The following SMG6 variants were observed in gnomAD, a reference collection of about 807,000 sequenced individuals.
SMG6 encodes the protein telomerase-binding protein EST1A.
SMG6 carries 66 observed loss-of-function variants against 142.2 expected under a neutral mutation model. The ratio of observed to expected loss-of-function variants is 0.46; its 90% CI spans 0.38 to 0.57. The LOEUF (loss-of-function observed/expected upper bound fraction) is 0.57. Among genes scored for constraint, SMG6 ranks in the 20% least tolerant of loss-of-function variants. The probability of loss-of-function intolerance (pLI) is 0.00; values close to 1 mark genes in which losing one functional copy is unlikely to be tolerated. For missense variants in SMG6, 1,793 were observed against 1,832.0 expected, an observed-to-expected ratio of 0.98 and a Z score of 0.39; for synonymous variants, 779 against 702.4, an observed-to-expected ratio of 1.11 and a Z score of -1.72.
intron 8 of SMG6, among the ~76,000 whole-genome samples, chr17:2,275,753 G>A (rs1003590483): frequency 2.6e-5 from 4 of 152,204 alleles, no homozygotes; most frequent in South Asian, 2.1e-4. Flanking sequence ...CCCTGGCAAC[G>A]TGGATTTGGA....
chr17:2,277,321 C>T (rs2151371695), intron 8 of SMG6, among the ~76,000 whole-genome samples: 1 of 152,046 alleles, frequency 6.6e-6, no homozygotes, highest in Non-Finnish European at 1.5e-5. Context: ...TGCCTGCCAC[C>T]ATGCCCGGCT....
rs888630309 is a variant in SMG6 at position 2,082,208 on chromosome 17, C to T, written c.3535-252G>A. 1.0e-5 allele frequency: 5 copies of T among 498,092 alleles called. No homozygotes were observed. In the Admixed American group the frequency reaches 1.6e-4, roughly 16 times the overall value. The allele number at this position is 498,092 out of a possible 1,614,324, so 30.9% of individuals were successfully genotyped here. A position where few individuals can be genotyped will look rare whatever the true frequency, so the allele number is the denominator to read the frequency against. Reference sequence around the variant, plus strand: ...TCAGAGAGTTACACCATAAGTCACTCGCAATCACACATATATACCTGCGTG... The same window carrying T: ...TCAGAGAGTTACACCATAAGTCACTTGCAATCACACATATATACCTGCGTG... On this transcript the variant is annotated intron_variant, in intron 14 of 18. Transcript: ENST00000263073.
chr17:2,112,376 C>A (rs560437507), intron 13 of SMG6, among the ~76,000 whole-genome samples: 2 of 151,110 alleles, frequency 1.3e-5, no homozygotes, highest in Non-Finnish European at 3.0e-5. Flanking sequence ...GGCGTCGTGG[C>A]GGGCGTCTGG....
At chr17:2,208,244 C>G (rs1441564880) in intron 10 of SMG6, among the ~76,000 whole-genome samples, 1 of 152,200 alleles carries the variant, frequency 6.6e-6, no homozygotes, top group Non-Finnish European at 1.5e-5. Context: ...CTCCTACCCC[C>G]ACTCTCCACA....
chr17:2,256,984 T>C (rs1393667076), intron 8 of SMG6, among the ~76,000 whole-genome samples: 1 of 152,096 alleles, frequency 6.6e-6, no homozygotes, highest in Non-Finnish European at 1.5e-5. Flanking sequence ...ATTTATTTAT[T>C]TATTATTTTG....
At chr17:2,178,182 G>C (rs865981201) in intron 12 of SMG6, among the ~76,000 whole-genome samples, 2 of 152,216 alleles carry the variant, frequency 1.3e-5, no homozygotes, top group African/African-American at 4.8e-5. Flanking sequence ...CTCAGTGCTA[G>C]GTAGCTCAAG....
intron 12 of SMG6, among the ~76,000 whole-genome samples, chr17:2,174,810 T>C (rs2071609060): frequency 6.6e-6 from 1 of 152,226 alleles, no homozygotes; most frequent in Non-Finnish European, 1.5e-5. Context: ...AACACGTTTC[T>C]GTGCAGAGAT....
In SMG6 at chr17:2,216,864, T is replaced by C. The variant is rs150173865; in HGVS notation, c.2869+19628A>G. 3.7e-3 allele frequency among the ~76,000 whole-genome samples: 563 copies of C among 152,294 alleles called. 1 individual carries two copies. The highest frequency in any genetic ancestry group is 0.013 in the African/African-American group (526 of 41,552). On this transcript the variant is annotated intron_variant, in intron 10 of 18. Transcript: ENST00000263073. The stretch of plus-strand genomic sequence containing the variant: ...ATTGATCTATGAGGTTGTTAGTTCT[T>C]CTGGAATGCAGGAAGAGTTAGAAGA...
intron 8 of SMG6, among the ~76,000 whole-genome samples, chr17:2,275,454 T>C (rs562262629): frequency 1.3e-5 from 2 of 152,088 alleles, no homozygotes; most frequent in East Asian, 3.9e-4. Flanking sequence ...AGTCTATCAG[T>C]CTATCATCTA....
intron 13 of SMG6, among the ~76,000 whole-genome samples, chr17:2,112,532 TAAATAAATA>T (rs2069366490): frequency 1.1e-5 from 1 of 93,450 alleles, no homozygotes; most frequent in African/African-American, 4.6e-5. Flanking sequence ...AAAAAATAAA[TAAATAAATA>T]AATAAATAAA....
At chr17:2,066,317 T>C (rs1223789824) in intron 16 of SMG6, among the ~76,000 whole-genome samples, 1 of 152,098 alleles carries the variant, frequency 6.6e-6, no homozygotes, top group Non-Finnish European at 1.5e-5. Flanking sequence ...TGTATGTGTG[T>C]GTGTACATGT....
At chr17:2,263,648 T>C (rs961993251) in intron 8 of SMG6, among the ~76,000 whole-genome samples, 1 of 151,706 alleles carries the variant, frequency 6.6e-6, no homozygotes, top group African/African-American at 2.4e-5. Context: ...GTCTAGAGAG[T>C]CTATCCACTC....
chr17:2,276,774 CA>C (rs1357021765), intron 8 of SMG6, among the ~76,000 whole-genome samples: 11 of 151,968 alleles, frequency 7.2e-5, no homozygotes, highest in Admixed American at 5.2e-4. Context: ...TTCCACATGC[CA>C]ACTGTATGTC....
At position 2,292,901 on chromosome 17, in the gene SMG6, C is replaced by A; in HGVS notation, c.2228G>T (p.Ser743Ile). 1 of 1,614,128 alleles carries A rather than the reference C, an allele frequency of 6.2e-7. No homozygotes were observed. The highest frequency in any genetic ancestry group is 8.5e-7 in the Non-Finnish European group (1 of 1,179,990). ...GDIARYREQA[S>I]DTANYGKARS... is the part of the protein sequence containing the mutation. ...TGCTTTCCCATAATTCGCTGTATCA[C>A]TGGCTTGCTCCCGGTACCTAGCAAT... The change falls in exon 5 of 19, where the codon AGT becomes ATT. Residue 743 changes from serine to isoleucine, a missense_variant. Physicochemically the swap from Ser to Ile is moderately radical, Grantham distance 142. Around this residue, in one of 3 missense-constraint regions of SMG6, gnomAD observed 1,597 missense variants for 1,584.6 expected, o/e 1.01. Coordinates refer to ENST00000263073, the MANE Select transcript of SMG6 (RefSeq NM_017575.5).
intron 1 of SMG6, among the ~76,000 whole-genome samples, chr17:2,302,160 G>T (rs1419764484): frequency 1.3e-5 from 2 of 152,198 alleles, no homozygotes; most frequent in Non-Finnish European, 2.9e-5. Flanking sequence ...GGCTGAGGTG[G>T]GAGGATCACT....
intron 8 of SMG6, 128 bp from the exon 9 acceptor site, chr17:2,244,847 A>C: frequency 1.4e-6 from 1 of 731,066 alleles, no homozygotes. Context: ...TGGGAACCAA[A>C]TGGACATGCC....
intron 13 of SMG6, among the ~76,000 whole-genome samples, chr17:2,094,493 C>A (rs1269501748): frequency 2.0e-5 from 3 of 152,158 alleles, no homozygotes; most frequent in Non-Finnish European, 4.4e-5. Flanking sequence ...CCTGTCTCGG[C>A]CTCCCAAAGT....
Position 2,091,560 on chromosome 17 carries a change from A to C in SMG6, c.3358-5659T>G, listed in dbSNP as rs191387024. 9.3e-5 allele frequency among the ~76,000 whole-genome samples: 14 copies of C among 151,146 alleles called. No individual in the cohort carries two copies. In the East Asian group the frequency reaches 2.4e-3, roughly 25 times the overall value. On this transcript the variant is annotated intron_variant, in intron 13 of 18. Transcript: ENST00000263073. ...ATGCATCTCCTGACAACCTCGGAGC[A>C]TACTGTCCAAGGGATCAATTCAAAC...
intron 3 of SMG6, 142 bp downstream of exon 3, chr17:2,297,721 T>C: frequency 1.2e-6 from 1 of 822,102 alleles, no homozygotes; most frequent in Non-Finnish European, 1.9e-6. Context: ...GCAACTGGTG[T>C]AGGGAAGGCT....
Sources: gnomAD v4.1 joint callset for allele counts (sites outside exome capture counted in the v4.1 genomes callset) on GRCh38, gnomAD v4.1.1 for gene constraint, gnomAD v4.1.1 regional missense constraint, MANE v1.5 for transcripts, NCBI Gene and HGNC (gene_info 2026-07-23, HGNC 2026-07-21) for gene names.